Variants in FAM117B observed in about 807,000 individuals in gnomAD.
FAM117B encodes protein FAM117B.
A neutral mutation model predicts 52.8 loss-of-function variants in FAM117B; 22 were observed. The observed-to-expected ratio is 0.42, with a 90% CI of 0.30 to 0.59. FAM117B has a LOEUF of 0.59. Ranked by LOEUF, FAM117B falls within the 20% of genes least tolerant of loss-of-function variation. The probability of loss-of-function intolerance (pLI) is 0.22; values close to 1 mark genes in which losing one functional copy is unlikely to be tolerated. For missense variants in FAM117B, 678 were observed against 802.6 expected (o/e 0.84, Z 1.88); for synonymous variants, 309 against 324.1 (o/e 0.95, Z 0.50).
Position 202,745,861 on chromosome 2 carries a change from A to G in FAM117B, c.961-9677A>G, listed in dbSNP as rs778631245. Among the ~76,000 whole-genome samples the G allele has an allele frequency of 8.7e-4, 132 of 152,246 alleles. 2 individuals carry two copies. Among genetic ancestry groups the G allele is most frequent in the Non-Finnish European group, 1.7e-3 (116 of 68,042 alleles). On this transcript the variant is annotated intron_variant, in intron 4 of 7. Coordinates refer to ENST00000392238, the MANE Select transcript of FAM117B (RefSeq NM_173511.4). ...CCAAAAAGACAAAGAAGGTTATTAT[A>G]TGTAATGATAAAGGGATTAATTCAG...
At chr2:202,761,502 G>A (rs927540308) in intron 7 of FAM117B, among the ~76,000 whole-genome samples, 3 of 151,978 alleles carry the variant, frequency 2.0e-5, no homozygotes, top group African/African-American at 4.8e-5. Flanking sequence ...ATATTACATG[G>A]TTGGGTTTTT....
Position 202,732,981 on chromosome 2 carries a change from A to G in FAM117B, c.960+6618A>G, listed in dbSNP as rs1252397656. Among the ~76,000 whole-genome samples, 3 of 151,968 alleles carry G rather than the reference A, an allele frequency of 2.0e-5. No individual in the cohort carries two copies. The East Asian group carries it at 5.8e-4, about 29-fold the overall frequency. ...ATAGAGAATAGACTGGTATCGGGGG[A>G]ACCGCCCCCAATATTTCAACGTAGG... On this transcript the variant is annotated intron_variant, in intron 4 of 7. Coordinates refer to ENST00000392238, the MANE Select transcript of FAM117B (RefSeq NM_173511.4).
At chr2:202,701,945 A>G (rs1690801045) in intron 2 of FAM117B, among the ~76,000 whole-genome samples, 1 of 152,228 alleles carries the variant, frequency 6.6e-6, no homozygotes, top group Non-Finnish European at 1.5e-5. Flanking sequence ...TTAGTTGTTA[A>G]AGCAGTAGCA....
intron 4 of FAM117B, among the ~76,000 whole-genome samples, chr2:202,745,647 G>A (rs1691619849): frequency 6.6e-6 from 1 of 152,206 alleles, no homozygotes; most frequent in African/African-American, 2.4e-5. Context: ...ATTAGAAGAT[G>A]TAGACTGGCT....
chr2:202,691,452 T>C (rs1690621312), intron 1 of FAM117B, among the ~76,000 whole-genome samples: 1 of 151,876 alleles, frequency 6.6e-6, no homozygotes, highest in Admixed American at 6.6e-5. Context: ...CCAATAATTT[T>C]AATAATCTTT....
At chr2:202,678,673 C>T (rs1303113491) in intron 1 of FAM117B, among the ~76,000 whole-genome samples, 1 of 152,228 alleles carries the variant, frequency 6.6e-6, no homozygotes, top group Non-Finnish European at 1.5e-5. Flanking sequence ...AATTCTGCCT[C>T]AGCCTCCAGA....
At chr2:202,708,302 A>G (rs1477944285) in intron 2 of FAM117B, among the ~76,000 whole-genome samples, 2 of 152,190 alleles carry the variant, frequency 1.3e-5, no homozygotes, top group Non-Finnish European at 2.9e-5. Flanking sequence ...TTTCTCATAT[A>G]AGTTGAATCA....
intron 1 of FAM117B, among the ~76,000 whole-genome samples, chr2:202,669,740 C>T (rs1690261354): frequency 6.6e-6 from 1 of 152,040 alleles, no homozygotes; most frequent in South Asian, 2.1e-4. Flanking sequence ...TTTTTTCCGC[C>T]TTATCCTTGA....
In FAM117B at chr2:202,634,994, A is replaced by AGCGGCGGCG. The variant is rs537447869; in HGVS notation, c.-179_-171dup. 6.8e-6 allele frequency among the ~76,000 whole-genome samples: 1 copy of AGCGGCGGCG among 147,534 alleles called. No individual in the cohort carries two copies. Among genetic ancestry groups the AGCGGCGGCG allele is most frequent in the Non-Finnish European group, 1.5e-5 (1 of 66,612 alleles). On this transcript the variant is annotated 5_prime_UTR_variant, in exon 1 of 8. Transcript: ENST00000392238. ...AGAGGAGACACTATTGTTGATGAGG[A>AGCGGCGGCG]GCGGCGGCGGCGGCGGCGGCGGCTG...
At chr2:202,749,442 TA>T (rs34835866) in intron 4 of FAM117B, among the ~76,000 whole-genome samples, 84,508 of 148,328 alleles carry the variant, frequency 0.57, 24,348 homozygotes, top group African/African-American at 0.65. Context: ...GGTATAATGT[TA>T]AAAAAAAAAA....
At chr2:202,720,196 T>C (rs1691128558) in intron 2 of FAM117B, among the ~76,000 whole-genome samples, 1 of 152,192 alleles carries the variant, frequency 6.6e-6, no homozygotes, top group Non-Finnish European at 1.5e-5. Flanking sequence ...GTCATTCTTC[T>C]GTATTGATTT....
intron 2 of FAM117B, among the ~76,000 whole-genome samples, chr2:202,717,074 C>G (rs993662766): frequency 2.6e-5 from 4 of 152,150 alleles, no homozygotes; most frequent in Non-Finnish European, 5.9e-5. Flanking sequence ...GGATGCTAAT[C>G]TGTGTCTGGG....
rs763746150 is a variant in FAM117B, at chr2:202,641,742, G to A, written c.601+5954G>A. On this transcript the variant is annotated intron_variant, in intron 1 of 7. Coordinates refer to ENST00000392238, the MANE Select transcript of FAM117B (RefSeq NM_173511.4). ...TAACCTCCGCCTCCTGGGTTCAAGC[G>A]ATTCTCCTGCCTCAACCTCCTGAGT... is the stretch of plus-strand genomic sequence containing the variant. Among the ~76,000 whole-genome samples the A allele has an allele frequency of 1.5e-4, 22 of 149,278 alleles. No homozygotes were observed. The Middle Eastern group carries it at 0.011, about 73-fold the overall frequency.
intron 2 of FAM117B, among the ~76,000 whole-genome samples, chr2:202,720,340 T>C (rs1691130860): frequency 6.6e-6 from 1 of 151,682 alleles, no homozygotes; most frequent in African/African-American, 2.4e-5. Context: ...AAAAAAAAAA[T>C]CAGAATACTA....
chr2:202,655,604 CTG>C (rs1690039729), intron 1 of FAM117B, among the ~76,000 whole-genome samples: 1 of 151,880 alleles, frequency 6.6e-6, no homozygotes, highest in African/African-American at 2.4e-5. Flanking sequence ...CCTTCCTTAT[CTG>C]TTTTTAGAAG....
At chr2:202,682,401 T>G (rs1017624179) in intron 1 of FAM117B, among the ~76,000 whole-genome samples, 1 of 152,154 alleles carries the variant, frequency 6.6e-6, no homozygotes, top group African/African-American at 2.4e-5. Flanking sequence ...GTATGGAGTT[T>G]GCTCTTGCTG....
Position 202,635,207 on chromosome 2 carries a change from G to T in FAM117B, c.20G>T (p.Arg7Leu). Residue 7 changes from arginine (R) to leucine (L), a missense_variant, in exon 1 of 8, where the codon CGC (arginine) becomes CTC (leucine). By Grantham distance (102) the Arg-to-Leu change is moderately radical. This residue lies in a region of FAM117B where 583 missense variants were observed against 644.8 expected (regional missense o/e 0.90). Transcript: ENST00000392238. ...GGGACCATGTCCCAGCGGGTGAGGCGCAATGGGTCCCCCACGCCGGCCGGC... is the reference window on the plus strand; with the variant it reads ...GGGACCATGTCCCAGCGGGTGAGGCTCAATGGGTCCCCCACGCCGGCCGGC... Reference protein sequence around the residue: MSQRVRRNGSPTPAGSL... With the variant: MSQRVRLNGSPTPAGSL... 7.7e-7 allele frequency: 1 copy of T among 1,297,624 alleles called. No individual in the cohort carries two copies. Among genetic ancestry groups the T allele is most frequent in the Non-Finnish European group, 9.8e-7 (1 of 1,020,926 alleles). The allele number at this position is 1,297,624 out of a possible 1,614,324, so 80.4% of individuals were successfully genotyped here. A position where few individuals can be genotyped will look rare whatever the true frequency, so the allele number is the denominator to read the frequency against.
chr2:202,730,240 C>A (rs991453275), intron 4 of FAM117B, among the ~76,000 whole-genome samples: 1 of 152,068 alleles, frequency 6.6e-6, no homozygotes, highest in African/African-American at 2.4e-5. Context: ...TAAGGTCACA[C>A]GAGACAGCCA....
At chr2:202,759,446 C>A in intron 7 of FAM117B, 93 bp downstream of exon 7, 1 of 1,457,604 alleles carries the variant, frequency 6.9e-7, no homozygotes, top group Admixed American at 2.3e-5. Context: ...CTGGACTGCA[C>A]TGATGCAGTC....
Sources: allele counts gnomAD v4.1 joint callset (sites outside exome capture counted in the v4.1 genomes callset), GRCh38; gene constraint gnomAD v4.1.1; regional missense constraint gnomAD v4.1.1; transcripts MANE v1.5; gene names NCBI Gene and HGNC (gene_info 2026-07-23, HGNC 2026-07-21).